IQSEC1: variants seen among roughly 807,000 people sequenced by gnomAD.
IQSEC1 encodes IQ motif and Sec7 domain ArfGEF 1.
In IQSEC1, 31 loss-of-function variants were observed where a neutral mutation model predicts 91.0. The observed-to-expected ratio is 0.34, with a 90% CI of 0.26 to 0.46. The LOEUF (loss-of-function observed/expected upper bound fraction) is 0.46. Among genes scored for constraint, IQSEC1 ranks in the 20% least tolerant of loss-of-function variants. IQSEC1 has a pLI of 1.00. For synonymous variants in IQSEC1, 699 were observed against 662.6 expected (o/e 1.05, Z -0.84); for missense variants, 1,388 against 1,575.6 (o/e 0.88, Z 2.02).
chr3:13,040,719 C>T (rs1212154576), intron 1 of IQSEC1, among the ~76,000 whole-genome samples: 2 of 152,212 alleles, frequency 1.3e-5, no homozygotes, highest in Admixed American at 1.3e-4. Context: ...CCTTTTAAAG[C>T]CTCTGGGTTT....
intron 1 of IQSEC1, among the ~76,000 whole-genome samples, chr3:13,224,558 CT>C (rs1694719313): frequency 6.6e-6 from 1 of 152,172 alleles, no homozygotes; most frequent in South Asian, 2.1e-4. Context: ...AAGCAGCCCC[CT>C]GAGAGCATCT....
chr3:13,122,072 T>C (rs953905558), intron 2 of IQSEC1, among the ~76,000 whole-genome samples: 3 of 152,106 alleles, frequency 2.0e-5, no homozygotes, highest in Admixed American at 6.5e-5. Context: ...GAGGCAATAA[T>C]AAGCCAAACC....
intron 1 of IQSEC1, among the ~76,000 whole-genome samples, chr3:13,063,227 T>C (rs1165521410): frequency 1.3e-5 from 2 of 152,222 alleles, no homozygotes; most frequent in South Asian, 2.1e-4. Flanking sequence ...TCACCAGCCA[T>C]GTCCCAGCTT....
chr3:13,067,119 G>A (rs2125102546), intron 1 of IQSEC1, among the ~76,000 whole-genome samples: 1 of 152,342 alleles, frequency 6.6e-6, no homozygotes, highest in Admixed American at 6.5e-5. Context: ...TCCTTGTCCT[G>A]CTCTGTAAGG....
intron 1 of IQSEC1, among the ~76,000 whole-genome samples, chr3:13,036,934 G>A (rs1404690076): frequency 6.6e-6 from 1 of 152,212 alleles, no homozygotes; most frequent in East Asian, 1.9e-4. Context: ...AGGTTGCAAA[G>A]TCAGCGTGTG....
chr3:13,149,560 A>C (rs929515297), intron 2 of IQSEC1, among the ~76,000 whole-genome samples: 117 of 152,260 alleles, frequency 7.7e-4, no homozygotes, highest in African/African-American at 2.8e-3. Flanking sequence ...AGCCTGTCAA[A>C]GGCCCGGAGG....
chr3:12,974,027 T>C (rs1701034940), intron 1 of IQSEC1, among the ~76,000 whole-genome samples: 1 of 152,176 alleles, frequency 6.6e-6, no homozygotes, highest in Non-Finnish European at 1.5e-5. Context: ...TATGGTGCCA[T>C]TAGTTGACAA....
chr3:13,263,427 T>G (rs1387619756), intron 1 of IQSEC1, among the ~76,000 whole-genome samples: 153 of 102,864 alleles, frequency 1.5e-3, no homozygotes, highest in African/African-American at 2.7e-3. Flanking sequence ...CTTTTTTTTT[T>G]GGGGGGGGGG....
intron 1 of IQSEC1, among the ~76,000 whole-genome samples, chr3:12,957,132 G>A (rs1699959266): frequency 6.6e-6 from 1 of 152,282 alleles, no homozygotes; most frequent in Non-Finnish European, 1.5e-5. Context: ...CCATCTCTGT[G>A]CCTGCATAGA....
At chr3:13,099,385 A>G (rs934321325) in intron 2 of IQSEC1, among the ~76,000 whole-genome samples, 3 of 152,236 alleles carry the variant, frequency 2.0e-5, no homozygotes, top group African/African-American at 7.2e-5. Context: ...AAGAGTTGCA[A>G]CATCTCAAAG....
In IQSEC1 at chr3:12,902,813, C is replaced by T; in HGVS notation, c.2765G>A (p.Gly922Glu). 6.2e-7 allele frequency: 1 copy of T among 1,613,302 alleles called. No homozygotes were observed. Among genetic ancestry groups the T allele is most frequent in the Non-Finnish European group, 8.5e-7 (1 of 1,179,294 alleles). Residue 922 changes from glycine (G) to glutamate (E), a missense_variant, in exon 13 of 14, where the codon GGG becomes GAG. Transcript: ENST00000613206. Reference sequence around the variant, plus strand: ...TAGCGATCCCGCACTGCTGCGACGCCCTCGCTTCCCTGCCCAGAACATGCA... The same window carrying T: ...TAGCGATCCCGCACTGCTGCGACGCTCTCGCTTCCCTGCCCAGAACATGCA... Reference protein sequence around the residue: ...LRDLSEAGKRGRRSSAGSLES... With the variant: ...LRDLSEAGKRERRSSAGSLES...
chr3:13,277,029 G>A (rs997391097), intron 1 of IQSEC1, among the ~76,000 whole-genome samples: 1 of 144,070 alleles, frequency 6.9e-6, no homozygotes, highest in Non-Finnish European at 1.5e-5. Flanking sequence ...CTGCTGCTCT[G>A]TGGCAATTAT....
At chr3:13,086,298 C>T (rs185600782) in intron 2 of IQSEC1, among the ~76,000 whole-genome samples, 1 of 151,060 alleles carries the variant, frequency 6.6e-6, no homozygotes, top group Non-Finnish European at 1.5e-5. Flanking sequence ...TTTGTGCCCA[C>T]CGTGGCGGGG....
At chr3:12,910,862 C>A (rs1303259354) in intron 10 of IQSEC1, among the ~76,000 whole-genome samples, 1 of 152,240 alleles carries the variant, frequency 6.6e-6, no homozygotes, top group Non-Finnish European at 1.5e-5. Context: ...CACGGACACT[C>A]AGCTTCTTTC....
rs1388008099 is a variant in IQSEC1, at chr3:12,899,385, A to G, written c.*1598T>C. 1.7e-5 allele frequency: 28 copies of G among 1,612,878 alleles called. No homozygotes were observed. Among genetic ancestry groups the G allele is most frequent in the Non-Finnish European group, 2.2e-5 (26 of 1,179,792 alleles). On this transcript the variant is annotated 3_prime_UTR_variant, in exon 14 of 14. Coordinates refer to ENST00000613206, the MANE Select transcript of IQSEC1 (RefSeq NM_001134382.3). Reference sequence around the variant, plus strand: ...CGCCGGGGGGCAGTCCTCGGGTCCCATGGCTTAGGAGCACAGCACTGACGG... The same window carrying G: ...CGCCGGGGGGCAGTCCTCGGGTCCCGTGGCTTAGGAGCACAGCACTGACGG...
At chr3:13,116,273 G>C (rs1706334376) in intron 2 of IQSEC1, among the ~76,000 whole-genome samples, 1 of 152,188 alleles carries the variant, frequency 6.6e-6, no homozygotes, top group African/African-American at 2.4e-5. Context: ...ATATGTGGGG[G>C]CCAGATGGTG....
chr3:12,919,094 T>G (rs952138872), intron 6 of IQSEC1, among the ~76,000 whole-genome samples: 1 of 75,378 alleles, frequency 1.3e-5, no homozygotes, highest in African/African-American at 8.8e-5. Flanking sequence ...AGGCCCCGGG[T>G]GGATGTAGAG....
At chr3:13,154,445 A>ACATATCTATCTATCTATCTATCTATC (rs1707050835) in intron 2 of IQSEC1, among the ~76,000 whole-genome samples, 1 of 91,094 alleles carries the variant, frequency 1.1e-5, no homozygotes, top group African/African-American at 4.2e-5. Flanking sequence ...ATGCATATAT[A>ACATATCTATCTATCTATCTATCTATC]TATATATATA....
intron 2 of IQSEC1, among the ~76,000 whole-genome samples, chr3:13,112,092 C>A (rs1706256551): frequency 6.6e-6 from 1 of 152,202 alleles, no homozygotes; most frequent in Non-Finnish European, 1.5e-5. Flanking sequence ...CCTTCCATCT[C>A]CCAGCTGGAC....
Sources: allele counts gnomAD v4.1 joint callset (sites outside exome capture counted in the v4.1 genomes callset), GRCh38; gene constraint gnomAD v4.1.1; transcripts MANE v1.5; gene names NCBI Gene and HGNC (gene_info 2026-07-23, HGNC 2026-07-21).